B3GALT1: variants seen among roughly 807,000 people sequenced by gnomAD.
The protein encoded by B3GALT1 is UDP-Gal:betaGlcNAc beta 1,3-galactosyltransferase, polypeptide 1.
B3GALT1 carries 10 observed loss-of-function variants against 23.2 expected under a neutral mutation model. The observed-to-expected ratio is 0.43, with a 90% confidence interval of 0.27 to 0.73. The LOEUF (loss-of-function observed/expected upper bound fraction) is 0.73. B3GALT1 is among the 30% of genes least tolerant of loss of function. The pLI, the probability that B3GALT1 is intolerant of heterozygous loss-of-function variation, is 0.21. For synonymous variants in B3GALT1, 156 were observed against 141.5 expected (o/e 1.10, Z -0.73); for missense variants, 299 against 405.4 (o/e 0.74, Z 2.25).
chr2:167,545,519 C>T (rs79986497), intron 2 of B3GALT1, among the ~76,000 whole-genome samples: 97 of 152,158 alleles, frequency 6.4e-4, no homozygotes, highest in African/African-American at 1.9e-3. Flanking sequence ...CTTAGCTTGC[C>T]GCTATAACTC....
Position 167,869,488 on chromosome 2 carries a change from A to G in B3GALT1, c.449A>G (p.His150Arg), listed in dbSNP as rs750842338. The change falls in exon 5 of 5, where the codon CAT (histidine) becomes CGT (arginine). Residue 150 changes from histidine to arginine, a missense_variant. By Grantham distance (29) the His-to-Arg change is conservative. Transcript: ENST00000392690. The surrounding 1 kb of genome is among the most constrained non-coding windows in gnomAD (Gnocchi z 6.4). Reference sequence around the variant, plus strand: ...GTGGAGGACTTTATTGACTCCTACCATAACCTTACCCTCAAAACATTAATG... The same window carrying G: ...GTGGAGGACTTTATTGACTCCTACCGTAACCTTACCCTCAAAACATTAATG... ...IIVEDFIDSY[H>R]NLTLKTLMGM... 24 of 1,614,086 alleles carry G rather than the reference A, an allele frequency of 1.5e-5. No homozygotes were observed. Among genetic ancestry groups the G allele is most frequent in the East Asian group, 4.5e-5 (2 of 44,882 alleles).
At chr2:167,307,123 A>T (rs563856272) in intron 1 of B3GALT1, among the ~76,000 whole-genome samples, 2 of 152,158 alleles carry the variant, frequency 1.3e-5, no homozygotes, top group African/African-American at 4.8e-5. Flanking sequence ...CCTAAAAAAG[A>T]TTACCCATGG....
chr2:167,380,541 C>T (rs1697834472), intron 1 of B3GALT1, among the ~76,000 whole-genome samples: 1 of 152,194 alleles, frequency 6.6e-6, no homozygotes, highest in African/African-American at 2.4e-5. Context: ...TGGCCCCAAA[C>T]TAAAATGCCT....
intron 3 of B3GALT1, among the ~76,000 whole-genome samples, chr2:167,727,689 A>G (rs1687340217): frequency 6.6e-6 from 1 of 152,150 alleles, no homozygotes; most frequent in African/African-American, 2.4e-5. Flanking sequence ...GGTACATTCC[A>G]TCCTACGGCA....
At chr2:167,565,734 A>T (rs981164495) in intron 2 of B3GALT1, among the ~76,000 whole-genome samples, 1 of 152,250 alleles carries the variant, frequency 6.6e-6, no homozygotes, top group African/African-American at 2.4e-5. Context: ...TATGCAGCCA[A>T]AAGGCACATG....
chr2:167,513,809 C>T (rs1478377265), intron 2 of B3GALT1, among the ~76,000 whole-genome samples: 4 of 152,094 alleles, frequency 2.6e-5, no homozygotes, highest in South Asian at 4.1e-4. Context: ...TGCTGGTTTA[C>T]AGATGTACAC....
intron 3 of B3GALT1, among the ~76,000 whole-genome samples, chr2:167,805,056 T>C (rs1688723030): frequency 6.6e-6 from 1 of 152,200 alleles, no homozygotes. Flanking sequence ...GTGGTTTTGA[T>C]TTGCATTTCT....
At chr2:167,535,849 A>C (rs1683409253) in intron 2 of B3GALT1, among the ~76,000 whole-genome samples, 1 of 152,174 alleles carries the variant, frequency 6.6e-6, no homozygotes, top group Non-Finnish European at 1.5e-5. Context: ...TACAGGGTCA[A>C]AAAGTTCAGT....
chr2:167,296,734 G>GAATGAATACATACACTATTGTATGAATTC (rs1696356859), intron 1 of B3GALT1, among the ~76,000 whole-genome samples: 1 of 152,116 alleles, frequency 6.6e-6, no homozygotes, highest in Non-Finnish European at 1.5e-5. Flanking sequence ...TTGACTGTGT[G>GAATGAATACATACACTATTGTATGAATTC]AATGAATACA....
intron 1 of B3GALT1, among the ~76,000 whole-genome samples, chr2:167,429,280 CAAAAA>C (rs59299487): frequency 5.6e-5 from 5 of 88,862 alleles, no homozygotes; most frequent in African/African-American, 7.8e-5. Flanking sequence ...GACTCTGTCT[CAAAAA>C]AAAAAAAAAA....
intron 2 of B3GALT1, among the ~76,000 whole-genome samples, chr2:167,512,596 A>ATATATATATATGTATATATATATACGTG (rs1553463279): frequency 1.3e-5 from 1 of 75,334 alleles, no homozygotes; most frequent in Non-Finnish European, 2.3e-5. Context: ...ATATATGTGT[A>ATATATATATATGTATATATATATACGTG]TATATATATA....
intron 3 of B3GALT1, among the ~76,000 whole-genome samples, chr2:167,795,550 T>G (rs1688532528): frequency 6.6e-6 from 1 of 152,202 alleles, no homozygotes; most frequent in Non-Finnish European, 1.5e-5. Flanking sequence ...CTCTGTTCTT[T>G]GGTAATATTC....
At position 167,835,918 on chromosome 2, in the gene B3GALT1, G is replaced by A. The variant is rs11682300; in HGVS notation, c.-230+17125G>A. 1.1e-3 allele frequency among the ~76,000 whole-genome samples: 169 copies of A among 152,250 alleles called. 2 individuals carry two copies. Among genetic ancestry groups the A allele is most frequent in the Middle Eastern group, 6.8e-3 (2 of 294 alleles). ...CTACTGCTGATACCCAGGCAAACAG[G>A]GTCTGGAGTGGACCTCTAGCAAACT... On this transcript the variant is annotated intron_variant, in intron 4 of 4. Transcript: ENST00000392690.
Position 167,870,561 on chromosome 2 carries a change from C to T in B3GALT1, c.*541C>T, listed in dbSNP as rs1354642884. 1.2e-5 allele frequency: 2 copies of T among 167,062 alleles called. No individual in the cohort carries two copies. The highest frequency in any genetic ancestry group is 4.8e-5 in the African/African-American group (2 of 41,410). 10.3% of individuals were successfully genotyped at this position (167,062 alleles called of 1,614,324 possible). ...GAACTTGGTACCTGCAGAGTGGCTG[C>T]AGTTAAATAGATGGGAGTTTAAATT... On this transcript the variant is annotated 3_prime_UTR_variant, in exon 5 of 5. Transcript: ENST00000392690.
chr2:167,795,077 A>C (rs1264948802), intron 3 of B3GALT1, among the ~76,000 whole-genome samples: 1 of 152,216 alleles, frequency 6.6e-6, no homozygotes, highest in Non-Finnish European at 1.5e-5. Context: ...GTTACTAGGT[A>C]GTCTCAGTGA....
intron 2 of B3GALT1, among the ~76,000 whole-genome samples, chr2:167,505,264 A>T (rs1399054035): frequency 1.3e-5 from 2 of 152,218 alleles, no homozygotes; most frequent in East Asian, 3.8e-4. Context: ...CTAAATTTTG[A>T]ACCATGTGGA....
chr2:167,363,011 ACGC>A (rs545518879), intron 1 of B3GALT1, among the ~76,000 whole-genome samples: 388 of 152,058 alleles, frequency 2.6e-3, no homozygotes, highest in African/African-American at 8.8e-3. Flanking sequence ...ATGTGTCACC[ACGC>A]CCGGCTAATT....
intron 1 of B3GALT1, among the ~76,000 whole-genome samples, chr2:167,487,164 G>A (rs1289218077): frequency 6.6e-6 from 1 of 152,194 alleles, no homozygotes; most frequent in Non-Finnish European, 1.5e-5. Flanking sequence ...AGGGTGTAAA[G>A]TGGCTCATCT....
At chr2:167,505,417 T>C (rs1011179456) in intron 2 of B3GALT1, among the ~76,000 whole-genome samples, 4 of 152,164 alleles carry the variant, frequency 2.6e-5, no homozygotes, top group African/African-American at 9.7e-5. Context: ...CCTATAACAA[T>C]CTAAAAAACA....
Sources: allele counts gnomAD v4.1 joint callset (sites outside exome capture counted in the v4.1 genomes callset), GRCh38; gene constraint gnomAD v4.1.1; non-coding constraint Gnocchi (gnomAD v3.1); transcripts MANE v1.5; gene names NCBI Gene and HGNC (gene_info 2026-07-23, HGNC 2026-07-21).